Variants in YTHDC1 observed in about 807,000 individuals in gnomAD.
The protein encoded by YTHDC1 is YTH N6-methyladenosine RNA binding protein C1.
In YTHDC1, 12 loss-of-function variants were observed where a neutral mutation model predicts 107.0. The observed-to-expected ratio is 0.11, with a 90% CI of 0.07 to 0.18. The LOEUF (loss-of-function observed/expected upper bound fraction) is 0.18, where lower values mean the gene tolerates loss of function less well. Ranked by LOEUF, YTHDC1 falls within the 10% of genes least tolerant of loss-of-function variation. YTHDC1 has a pLI of 1.00. For synonymous variants in YTHDC1, 280 were observed against 289.5 expected, an observed-to-expected ratio of 0.97 and a Z score of 0.33; for missense variants, 635 against 898.8, an observed-to-expected ratio of 0.71 and a Z score of 3.75.
intron 1 of YTHDC1, among the ~76,000 whole-genome samples, chr4:68,349,071 T>C (rs1453616537): frequency 2.0e-5 from 3 of 152,186 alleles, no homozygotes; most frequent in South Asian, 2.1e-4. Flanking sequence ...CTCTGGGAGC[T>C]ACACACGGTT....
At chr4:68,346,372 G>A (rs978308389) in intron 1 of YTHDC1, among the ~76,000 whole-genome samples, 12 of 152,090 alleles carry the variant, frequency 7.9e-5, no homozygotes, top group South Asian at 2.1e-4. Context: ...CAGCCTAGGC[G>A]ACAGAAGCCG....
intron 7 of YTHDC1, among the ~76,000 whole-genome samples, 194 bp downstream of exon 7, chr4:68,331,908 TA>T (rs202087978): frequency 0.22 from 30,688 of 142,574 alleles, 3,455 homozygotes; most frequent in East Asian, 0.35. Flanking sequence ...AAAATCATCT[TA>T]AAAAAAAAAA....
intron 9 of YTHDC1, among the ~76,000 whole-genome samples, chr4:68,327,217 C>T (rs1723090567): frequency 6.6e-6 from 1 of 151,826 alleles, no homozygotes; most frequent in South Asian, 2.1e-4. Flanking sequence ...GCCTGGGCAA[C>T]AAGAGCGAAA....
intron 1 of YTHDC1, among the ~76,000 whole-genome samples, chr4:68,338,902 G>A (rs987999397): frequency 2.6e-5 from 4 of 152,094 alleles, no homozygotes; most frequent in African/African-American, 7.2e-5. Flanking sequence ...ACAAAGCCAG[G>A]AGTATACATC....
At chr4:68,340,838 C>T (rs929999178) in intron 1 of YTHDC1, among the ~76,000 whole-genome samples, 21 of 151,930 alleles carry the variant, frequency 1.4e-4, no homozygotes, top group African/African-American at 4.8e-4. Context: ...AAATTTAATA[C>T]AGAATGAAAT....
In YTHDC1 at chr4:68,337,087, A is replaced by G; in HGVS notation, c.823T>C (p.Ser275Pro). The G allele has an allele frequency of 6.2e-7, 1 of 1,614,076 alleles. No homozygotes were observed. Reference sequence around the variant, plus strand: ...CCATCTGTGAAGGAAACAGATTCAGAACCAGAGTCACTGGCCTCACTTCGA... The same window carrying G: ...CCATCTGTGAAGGAAACAGATTCAGGACCAGAGTCACTGGCCTCACTTCGA... ...DTRSEASDSG[S>P]ESVSFTDGSV... Residue 275 changes from serine to proline, a missense_variant, in exon 4 of 17, where the codon TCT becomes CCT. This residue lies in a region of YTHDC1 where 294 missense variants were observed against 312.3 expected (regional missense o/e 0.94). Coordinates refer to ENST00000344157, the MANE Select transcript of YTHDC1 (RefSeq NM_001031732.4).
At chr4:68,347,321 T>C (rs749808840) in intron 1 of YTHDC1, among the ~76,000 whole-genome samples, 1 of 152,192 alleles carries the variant, frequency 6.6e-6, no homozygotes, top group Non-Finnish European at 1.5e-5. Context: ...AAGATGCATA[T>C]TTCCTCCTTA....
intron 12 of YTHDC1, 136 bp downstream of exon 12, chr4:68,319,987 T>C: frequency 1.4e-6 from 1 of 704,006 alleles, no homozygotes; most frequent in South Asian, 1.8e-5. Context: ...ACTACTAAAA[T>C]TTCTCAAGAT....
rs1725948850 is a variant in YTHDC1, at chr4:68,350,065, G to A, written c.-312C>T. On this transcript the variant is annotated 5_prime_UTR_variant, in exon 1 of 17. Coordinates refer to ENST00000344157, the MANE Select transcript of YTHDC1 (RefSeq NM_001031732.4). ...GGCGCTAAAATGGAGCCTGCTTCCT[G>A]CGCGAAACAATCCCGCTCCCGAAAT... 2 of 513,242 alleles carry A rather than the reference G, an allele frequency of 3.9e-6. No individual in the cohort carries two copies. The allele number at this position is 513,242 out of a possible 1,614,324, so 31.8% of individuals were successfully genotyped here.
chr4:68,337,202 C>T lies in YTHDC1; in HGVS notation c.708G>A (p.Glu236=). ...DEDGEEEEEE[E]EEEEEEEEEE... is the part of the protein sequence containing the mutation. Reference sequence around the variant, plus strand: ...CCTCCTCCTCCTCCTCTTCCTCCTCCTCCTCTTCCTCCTCCTCCTCTCCAT... The same window carrying T: ...CCTCCTCCTCCTCCTCTTCCTCCTCTTCCTCTTCCTCCTCCTCCTCTCCAT... Residue 236 remains glutamate (E), a synonymous_variant, in exon 4 of 17, where the codon GAG becomes GAA. Transcript: ENST00000344157. 1 of 1,598,212 alleles carries T rather than the reference C, an allele frequency of 6.3e-7. No homozygotes were observed. The highest frequency in any genetic ancestry group is 8.6e-7 in the Non-Finnish European group (1 of 1,166,406).
intron 4 of YTHDC1, among the ~76,000 whole-genome samples, chr4:68,336,519 C>T (rs754409974): frequency 6.6e-6 from 1 of 152,138 alleles, no homozygotes; most frequent in Non-Finnish European, 1.5e-5. Context: ...GCCCTCTTGT[C>T]GACCCTGTCT....
intron 10 of YTHDC1, among the ~76,000 whole-genome samples, chr4:68,323,597 G>T (rs577404563): frequency 6.6e-6 from 1 of 151,704 alleles, no homozygotes; most frequent in African/African-American, 2.4e-5. Context: ...CTCGTAACCT[G>T]GTTTCCAAAA....
In YTHDC1 at chr4:68,311,156, C is replaced by T. The variant is rs1721276086; in HGVS notation, c.*2943G>A. ...AATACAGATTGGATTACGGCTGGCT[C>T]CAAAACCAACATGGCTATTCAGTCC... On this transcript the variant is annotated 3_prime_UTR_variant, in exon 17 of 17. Transcript: ENST00000344157. The T allele has an allele frequency of 6.6e-6, 1 of 152,096 alleles. No individual in the cohort carries two copies. Among genetic ancestry groups the T allele is most frequent in the Non-Finnish European group, 1.5e-5 (1 of 68,014 alleles). The allele number at this position is 152,096 out of a possible 1,614,324, so 9.4% of individuals were successfully genotyped here.
chr4:68,329,912 G>A, intron 9 of YTHDC1, 90 bp downstream of exon 9: 1 of 940,208 alleles, frequency 1.1e-6, no homozygotes, highest in South Asian at 1.5e-5. Flanking sequence ...GGTAAGATAA[G>A]TATACAGTGA....
At chr4:68,317,683 G>A (rs1157741718) in intron 15 of YTHDC1, among the ~76,000 whole-genome samples, 1 of 152,188 alleles carries the variant, frequency 6.6e-6, no homozygotes, top group African/African-American at 2.4e-5. Context: ...CAGGCACTAT[G>A]CTAAACTTAA....
chr4:68,330,137 T>C lies in YTHDC1; in HGVS notation c.1232-18A>G. ...TGCAAACCCTAAGAGAATCATATCA[T>C]AATATAATATGTAGATGCTAATATA... On this transcript the variant is annotated intron_variant, in intron 8 of 16. Coordinates refer to ENST00000344157, the MANE Select transcript of YTHDC1 (RefSeq NM_001031732.4). The C allele has an allele frequency of 6.3e-7, 1 of 1,597,808 alleles. No individual in the cohort carries two copies. The highest frequency in any genetic ancestry group is 1.1e-5 in the South Asian group (1 of 90,246).
chr4:68,332,744 A>T, intron 6 of YTHDC1, 50 bp downstream of exon 6: 1 of 1,556,796 alleles, frequency 6.4e-7, no homozygotes. Flanking sequence ...ATAAGGAAAA[A>T]TAATGACTAT....
intron 1 of YTHDC1, among the ~76,000 whole-genome samples, chr4:68,340,210 G>A (rs1270950116): frequency 6.6e-6 from 1 of 152,166 alleles, no homozygotes; most frequent in Non-Finnish European, 1.5e-5. Context: ...TGTGACTGAA[G>A]AGAATAGTTA....
chr4:68,348,998 A>C (rs1401735432), intron 1 of YTHDC1, among the ~76,000 whole-genome samples: 1 of 152,260 alleles, frequency 6.6e-6, no homozygotes. Flanking sequence ...TTCTCTCTAC[A>C]TTTCACTGAA....
Sources: allele counts gnomAD v4.1 joint callset (sites outside exome capture counted in the v4.1 genomes callset), GRCh38; gene constraint gnomAD v4.1.1; regional missense constraint gnomAD v4.1.1; transcripts MANE v1.5; gene names NCBI Gene and HGNC (gene_info 2026-07-23, HGNC 2026-07-21).